LINGO2: variants seen among roughly 807,000 people sequenced by gnomAD.
The protein encoded by LINGO2 is leucine rich repeat and Ig domain containing 2.
In LINGO2, 14 loss-of-function variants were observed where a neutral mutation model predicts 30.6. The ratio of observed to expected loss-of-function variants is 0.46; its 90% CI spans 0.30 to 0.72. The LOEUF (loss-of-function observed/expected upper bound fraction) is 0.72, where lower values mean the gene tolerates loss of function less well. Among genes scored for constraint, LINGO2 ranks in the 30% least tolerant of loss-of-function variants. The probability of loss-of-function intolerance (pLI) is 0.07; values close to 1 mark genes in which losing one functional copy is unlikely to be tolerated. For synonymous variants in LINGO2, 317 were observed against 288.5 expected (o/e 1.10, Z -1.00); for missense variants, 729 against 751.7 (o/e 0.97, Z 0.35).
intron 3 of LINGO2, among the ~76,000 whole-genome samples, chr9:28,298,656 C>G (rs1824018046): frequency 6.7e-6 from 1 of 149,412 alleles, no homozygotes; most frequent in Admixed American, 6.7e-5. Flanking sequence ...GCACTCCAGC[C>G]TGGGCAACAA....
chr9:28,708,761 T>TTTATCTATCTATCTATCTATCTATCTATC, the LINGO2 span, among the ~76,000 whole-genome samples: 1 of 147,866 alleles, frequency 6.8e-6, no homozygotes, highest in African/African-American at 2.5e-5. Flanking sequence ...TTTAAACTAA[T>TTTATCTATCTATCTATCTATCTATCTATC]TATCTATCTA....
At chr9:28,303,479 G>A (rs1348289378) in intron 3 of LINGO2, among the ~76,000 whole-genome samples, 2 of 152,028 alleles carry the variant, frequency 1.3e-5, no homozygotes, top group Non-Finnish European at 2.9e-5. Context: ...ACAACATGTG[G>A]ATTAGGAACA....
At chr9:28,297,796 A>G (rs964049885) in intron 3 of LINGO2, among the ~76,000 whole-genome samples, 1 of 152,238 alleles carries the variant, frequency 6.6e-6, no homozygotes, top group Admixed American at 6.5e-5. Context: ...TTTTGATAGT[A>G]CAATAACATC....
the LINGO2 span, among the ~76,000 whole-genome samples, chr9:28,758,655 A>C: frequency 8.6e-3 from 1,309 of 152,180 alleles, 28 homozygotes; most frequent in African/African-American, 0.029. Flanking sequence ...CTGTTCACTC[A>C]TCATCTGGAT....
chr9:28,404,854 T>C (rs1009401286), intron 2 of LINGO2, among the ~76,000 whole-genome samples: 2 of 151,578 alleles, frequency 1.3e-5, no homozygotes, highest in Non-Finnish European at 2.9e-5. Flanking sequence ...GCTACTGAAA[T>C]GTATGGAAGA....
At chr9:29,082,210 T>G in the LINGO2 span, among the ~76,000 whole-genome samples, 24 of 152,188 alleles carry the variant, frequency 1.6e-4, no homozygotes, top group African/African-American at 5.5e-4. Flanking sequence ...AAAACAGCAA[T>G]GGTGCTGGTA....
At chr9:28,403,195 C>A (rs973888814) in intron 2 of LINGO2, among the ~76,000 whole-genome samples, 13 of 152,128 alleles carry the variant, frequency 8.5e-5, no homozygotes, top group African/African-American at 2.9e-4. Flanking sequence ...CTCTGTATTC[C>A]AAAATGCTGA....
At chr9:28,159,866 C>A (rs189893817) in intron 4 of LINGO2, among the ~76,000 whole-genome samples, 10 of 152,070 alleles carry the variant, frequency 6.6e-5, no homozygotes, top group Admixed American at 6.6e-5. Flanking sequence ...ATAAGGCAAC[C>A]TATTACCCAC....
intron 4 of LINGO2, among the ~76,000 whole-genome samples, chr9:28,172,973 G>A (rs1410295117): frequency 1.3e-5 from 2 of 152,132 alleles, no homozygotes; most frequent in Admixed American, 1.3e-4. Context: ...TTACAAACTT[G>A]TTGAAACTAT....
chr9:28,744,494 CTGT>C, the LINGO2 span, among the ~76,000 whole-genome samples: 22 of 151,808 alleles, frequency 1.4e-4, no homozygotes, highest in African/African-American at 2.4e-5. Context: ...GAAGTTCTTG[CTGT>C]TGTTTGCTTG....
the LINGO2 span, among the ~76,000 whole-genome samples, chr9:29,011,703 A>G: frequency 6.6e-6 from 1 of 152,142 alleles, no homozygotes; most frequent in Non-Finnish European, 1.5e-5. Context: ...CATCATCTAC[A>G]TTGACATACT....
At chr9:28,575,155 G>A (rs1261988037) in intron 1 of LINGO2, among the ~76,000 whole-genome samples, 1 of 152,090 alleles carries the variant, frequency 6.6e-6, no homozygotes, top group Non-Finnish European at 1.5e-5. Flanking sequence ...TGTAATCCCA[G>A]CACTTTGGGA....
At chr9:28,532,724 C>T (rs1053299110) in intron 1 of LINGO2, among the ~76,000 whole-genome samples, 9 of 152,010 alleles carry the variant, frequency 5.9e-5, no homozygotes, top group African/African-American at 9.7e-5. Context: ...GCCCAGCCCG[C>T]GTTGAAAGGC....
rs1453019033 is a variant in LINGO2 at position 28,104,255 on chromosome 9, G to GTTTTTTTTTTTTTTTTTT, written c.-86-91851_-86-91850insAAAAAAAAAAAAAAAAAA. Reference sequence around the variant, plus strand: ...AGGGATTTGCTTTTCCCCAGTACAAGTTTTTTGTTTGTTTTTTTTTTTTTT... The same window carrying GTTTTTTTTTTTTTTTTTT: ...AGGGATTTGCTTTTCCCCAGTACAAGTTTTTTTTTTTTTTTTTTTTTTTTGTTTGTTTTTTTTTTTTTT... On this transcript the variant is annotated intron_variant, in intron 4 of 5. Transcript: ENST00000379992. Among the ~76,000 whole-genome samples the GTTTTTTTTTTTTTTTTTT allele has an allele frequency of 4.0e-5, 3 of 75,158 alleles. 1 individual carries two copies. Among genetic ancestry groups the GTTTTTTTTTTTTTTTTTT allele is most frequent in the Non-Finnish European group, 8.4e-5 (3 of 35,902 alleles). 49.3% of individuals were successfully genotyped at this position (75,158 alleles called of 152,430 possible). A position where few individuals can be genotyped will look rare whatever the true frequency, so the allele number is the denominator to read the frequency against.
At chr9:29,198,269 A>C in the LINGO2 span, among the ~76,000 whole-genome samples, 2 of 152,168 alleles carry the variant, frequency 1.3e-5, no homozygotes, top group East Asian at 3.9e-4. Flanking sequence ...TTTAATCAAA[A>C]TGCTAGGTCA....
At chr9:28,306,596 A>T (rs2134232646) in intron 3 of LINGO2, among the ~76,000 whole-genome samples, 1 of 152,186 alleles carries the variant, frequency 6.6e-6, no homozygotes, top group East Asian at 1.9e-4. Context: ...AACTGAAGGA[A>T]ATAGAGACAC....
At chr9:28,638,899 G>C (rs953220433) in intron 1 of LINGO2, among the ~76,000 whole-genome samples, 1 of 151,892 alleles carries the variant, frequency 6.6e-6, no homozygotes, top group Admixed American at 6.6e-5. Context: ...CTAGTTCTTT[G>C]AATTGTGATG....
the LINGO2 span, among the ~76,000 whole-genome samples, chr9:28,773,555 C>A: frequency 6.6e-6 from 1 of 152,032 alleles, no homozygotes; most frequent in Admixed American, 6.6e-5. Flanking sequence ...TGGTGGGCTG[C>A]ATACTGAATA....
chr9:28,459,763 A>T (rs753846931), intron 2 of LINGO2, among the ~76,000 whole-genome samples: 4 of 152,092 alleles, frequency 2.6e-5, no homozygotes, highest in Non-Finnish European at 5.9e-5. Flanking sequence ...TGTTGCCTAG[A>T]CATATTTGAA....
Sources: gnomAD v4.1 joint callset for allele counts (sites outside exome capture counted in the v4.1 genomes callset) on GRCh38, gnomAD v4.1.1 for gene constraint, MANE v1.5 for transcripts, NCBI Gene and HGNC (gene_info 2026-07-23, HGNC 2026-07-21) for gene names.